Variants in GALNTL6 observed in about 807,000 individuals in gnomAD.
The protein encoded by GALNTL6 is polypeptide N-acetylgalactosaminyltransferase like 6.
In GALNTL6, 46 loss-of-function variants were observed where a neutral mutation model predicts 73.7. The observed-to-expected ratio is 0.62, with a 90% CI of 0.49 to 0.80. GALNTL6 has a LOEUF of 0.80. Among genes scored for constraint, GALNTL6 ranks in the 30% least tolerant of loss-of-function variants. The probability of loss-of-function intolerance (pLI) is 0.00; values close to 1 mark genes in which losing one functional copy is unlikely to be tolerated. For synonymous variants in GALNTL6, 259 were observed against 263.7 expected, an observed-to-expected ratio of 0.98 and a Z score of 0.17; for missense variants, 604 against 755.0, an observed-to-expected ratio of 0.80 and a Z score of 2.34.
At chr4:172,549,158 C>CT (rs1403002462) in intron 5 of GALNTL6, among the ~76,000 whole-genome samples, 6 of 152,110 alleles carry the variant, frequency 3.9e-5, no homozygotes, top group Admixed American at 2.0e-4. Flanking sequence ...CTTTGTGCCT[C>CT]TTTGTAGTCA....
At chr4:172,154,447 G>T (rs1321551587) in intron 2 of GALNTL6, among the ~76,000 whole-genome samples, 1 of 152,038 alleles carries the variant, frequency 6.6e-6, no homozygotes, top group African/African-American at 2.4e-5. Context: ...GGTCAGATTG[G>T]TCTCAAACTC....
At chr4:171,998,937 T>G (rs1313266644) in intron 2 of GALNTL6, among the ~76,000 whole-genome samples, 1 of 152,166 alleles carries the variant, frequency 6.6e-6, no homozygotes, top group Non-Finnish European at 1.5e-5. Flanking sequence ...GTCCTAGGAC[T>G]GGTTCCTGGG....
chr4:171,912,004 G>A (rs1272811622), intron 2 of GALNTL6, among the ~76,000 whole-genome samples: 1 of 151,986 alleles, frequency 6.6e-6, no homozygotes, highest in Non-Finnish European at 1.5e-5. Flanking sequence ...ATATCCATTT[G>A]TTGATGAGAT....
Position 172,897,155 on chromosome 4 carries a change from G to A in GALNTL6, c.1041+14248G>A, listed in dbSNP as rs552179140. The stretch of plus-strand genomic sequence containing the variant: ...GTGAAAGCTGAGACTGAGCCCCCTC[G>A]GGGAGCTGCTATGGGTAGAGGCTGG... On this transcript the variant is annotated intron_variant, in intron 8 of 12. Coordinates refer to ENST00000506823, the MANE Select transcript of GALNTL6 (RefSeq NM_001034845.3). Among the ~76,000 whole-genome samples, 10 of 152,316 alleles carry A rather than the reference G, an allele frequency of 6.6e-5. No individual in the cohort carries two copies. In the East Asian group the frequency reaches 1.4e-3, roughly 21 times the overall value.
At chr4:172,622,619 A>G (rs960943744) in intron 5 of GALNTL6, among the ~76,000 whole-genome samples, 4 of 152,166 alleles carry the variant, frequency 2.6e-5, no homozygotes, top group African/African-American at 9.7e-5. Flanking sequence ...CTGCTAGATA[A>G]TATGCTCCTC....
At chr4:172,106,079 G>T (rs919257306) in intron 2 of GALNTL6, among the ~76,000 whole-genome samples, 1 of 152,128 alleles carries the variant, frequency 6.6e-6, no homozygotes, top group Non-Finnish European at 1.5e-5. Context: ...ACACAGATGT[G>T]ACTAAGAAAC....
At chr4:172,655,511 G>A (rs927320102) in intron 5 of GALNTL6, among the ~76,000 whole-genome samples, 4 of 152,092 alleles carry the variant, frequency 2.6e-5, no homozygotes, top group African/African-American at 9.7e-5. Context: ...TCATTTTATA[G>A]ATGAGGCTTA....
At chr4:172,248,109 T>C (rs759813848) in intron 3 of GALNTL6, among the ~76,000 whole-genome samples, 8 of 152,182 alleles carry the variant, frequency 5.3e-5, no homozygotes, top group Non-Finnish European at 1.2e-4. Flanking sequence ...AAAGATGCCT[T>C]CAAATTTTTT....
In GALNTL6 at chr4:172,553,779, G is replaced by A. The variant is rs866942313; in HGVS notation, c.553+205090G>A. Among the ~76,000 whole-genome samples, 4 of 151,856 alleles carry A rather than the reference G, an allele frequency of 2.6e-5. No homozygotes were observed. The South Asian group carries it at 6.2e-4, about 24-fold the overall frequency. ...TGATATTTTGTTAGAAATTTTGGCCGGCCACAGGGATTCATGCCTGTAATC... is the reference window on the plus strand; with the variant it reads ...TGATATTTTGTTAGAAATTTTGGCCAGCCACAGGGATTCATGCCTGTAATC... On this transcript the variant is annotated intron_variant, in intron 5 of 12. Coordinates refer to ENST00000506823, the MANE Select transcript of GALNTL6 (RefSeq NM_001034845.3).
At chr4:172,021,390 A>C (rs1741396034) in intron 2 of GALNTL6, among the ~76,000 whole-genome samples, 2 of 151,998 alleles carry the variant, frequency 1.3e-5, no homozygotes, top group African/African-American at 4.8e-5. Flanking sequence ...AGTCTAAAGA[A>C]GTGAAAGATA....
chr4:171,999,964 G>A (rs990800570), intron 2 of GALNTL6, among the ~76,000 whole-genome samples: 3 of 152,120 alleles, frequency 2.0e-5, no homozygotes, highest in African/African-American at 7.2e-5. Flanking sequence ...ATGACAATTT[G>A]TTTATGGAAT....
chr4:172,692,924 C>T (rs1462066213), intron 5 of GALNTL6, among the ~76,000 whole-genome samples: 1 of 152,162 alleles, frequency 6.6e-6, no homozygotes, highest in East Asian at 1.9e-4. Context: ...CCCAGAATGA[C>T]TCATCCAAGG....
At chr4:172,420,239 G>A (rs367714353) in intron 5 of GALNTL6, among the ~76,000 whole-genome samples, 3 of 152,258 alleles carry the variant, frequency 2.0e-5, no homozygotes, top group Middle Eastern at 3.4e-3. Context: ...TCGTGATAAC[G>A]AGGGTCATTT....
intron 2 of GALNTL6, among the ~76,000 whole-genome samples, chr4:172,100,775 T>C (rs1732487685): frequency 6.6e-6 from 1 of 152,130 alleles, no homozygotes; most frequent in Non-Finnish European, 1.5e-5. Context: ...TCCAAGTCAT[T>C]CCTAAGTACA....
Position 172,168,364 on chromosome 4 carries a change from C to A in GALNTL6, c.139-61292C>A, listed in dbSNP as rs571617785. 3.1e-4 allele frequency among the ~76,000 whole-genome samples: 47 copies of A among 152,302 alleles called. 1 individual carries two copies. Among genetic ancestry groups the A allele is most frequent in the African/African-American group, 1.1e-3 (45 of 41,560 alleles). Reference sequence around the variant, plus strand: ...TGGCAAAATCTCTGCTCACTGTAATCTCCATCTCCCAAGTTCAAGAGATTC... The same window carrying A: ...TGGCAAAATCTCTGCTCACTGTAATATCCATCTCCCAAGTTCAAGAGATTC... On this transcript the variant is annotated intron_variant, in intron 2 of 12. Transcript: ENST00000506823.
At chr4:172,519,242 A>C (rs952710194) in intron 5 of GALNTL6, among the ~76,000 whole-genome samples, 2 of 150,654 alleles carry the variant, frequency 1.3e-5, no homozygotes, top group Admixed American at 6.6e-5. Flanking sequence ...AGATATATTT[A>C]AGATATTTAT....
intron 10 of GALNTL6, among the ~76,000 whole-genome samples, chr4:172,987,610 T>C (rs1751348280): frequency 6.6e-6 from 1 of 152,232 alleles, no homozygotes; most frequent in African/African-American, 2.4e-5. Flanking sequence ...GTCCCCACCC[T>C]AATCTCATGT....
At chr4:172,271,309 T>C (rs928018803) in intron 3 of GALNTL6, among the ~76,000 whole-genome samples, 2 of 152,150 alleles carry the variant, frequency 1.3e-5, no homozygotes, top group African/African-American at 4.8e-5. Flanking sequence ...AGAATATATG[T>C]AAATTCAAGA....
At chr4:172,651,604 A>G (rs1740478615) in intron 5 of GALNTL6, among the ~76,000 whole-genome samples, 1 of 152,206 alleles carries the variant, frequency 6.6e-6, no homozygotes, top group African/African-American at 2.4e-5. Context: ...GAAAAATAGT[A>G]CCTTATTTCA....
Sources: allele counts gnomAD v4.1 joint callset (sites outside exome capture counted in the v4.1 genomes callset), GRCh38; gene constraint gnomAD v4.1.1; transcripts MANE v1.5; gene names NCBI Gene and HGNC (gene_info 2026-07-23, HGNC 2026-07-21).